The following KLHL36 variants were observed in gnomAD, a reference collection of about 807,000 sequenced individuals.
The protein encoded by KLHL36 is kelch-like protein 36.
KLHL36 carries 35 observed loss-of-function variants against 53.3 expected under a neutral mutation model. The ratio of observed to expected loss-of-function variants is 0.66; its 90% confidence interval spans 0.50 to 0.87. The LOEUF (loss-of-function observed/expected upper bound fraction) is 0.87. KLHL36 is among the 40% of genes least tolerant of loss of function. The pLI, the probability that KLHL36 is intolerant of heterozygous loss-of-function variation, is 0.00. For missense variants in KLHL36, 864 were observed against 897.6 expected, an observed-to-expected ratio of 0.96 and a Z score of 0.48; for synonymous variants, 472 against 398.9, an observed-to-expected ratio of 1.18 and a Z score of -2.18.
In KLHL36 at chr16:84,657,666, C is replaced by T. The variant is rs777448332; in HGVS notation, c.859C>T (p.Arg287Cys). 9 of 1,612,210 alleles carry T rather than the reference C, an allele frequency of 5.6e-6. No homozygotes were observed. Among genetic ancestry groups the T allele is most frequent in the Admixed American group, 3.3e-5 (2 of 59,970 alleles). Residue 287 changes from arginine (R) to cysteine (C), a missense_variant, in exon 3 of 5, where the codon CGC becomes TGC. By Grantham distance (180) the Arg-to-Cys change is radical. Coordinates refer to ENST00000564996, the MANE Select transcript of KLHL36 (RefSeq NM_024731.4). The part of the protein sequence containing the change: ...LAAQPVMQTK[R>C]TALRTNQERL... ...GGCCCAGCCCGTCATGCAGACCAAG[C>T]GCACGGCGCTGCGCACCAACCAGGA...
In KLHL36 at chr16:84,661,638, C is replaced by T. The variant is rs767981378; in HGVS notation, c.1356C>T (p.His452=). 98 of 1,612,454 alleles carry T rather than the reference C, an allele frequency of 6.1e-5. No homozygotes were observed. The highest frequency in any genetic ancestry group is 7.6e-5 in the Non-Finnish European group (90 of 1,179,434). The change falls in exon 5 of 5, where the codon CAC becomes CAT. Residue 452 remains histidine (H), a synonymous_variant. Coordinates refer to ENST00000564996, the MANE Select transcript of KLHL36 (RefSeq NM_024731.4). This position sits in a 1 kb window ranked among gnomAD's most constrained non-coding sequence, Gnocchi z 7.9. ...ACTTCGTGTACATCTCGGGGGGCCA[C>T]GACTACCAAATTGGCCCCTACCGCA... ...YKDFVYISGG[H]DYQIGPYRKN...
In KLHL36 at chr16:84,650,930, G is replaced by C; in HGVS notation, c.63G>C (p.Lys21Asn). The change falls in exon 2 of 5, where the codon AAG (lysine) becomes AAC (asparagine). Residue 21 changes from lysine (K) to asparagine (N), a missense_variant and splice_region_variant. Lys to Asn is a moderately conservative substitution (Grantham distance 94, BLOSUM62 0). Coordinates refer to ENST00000564996, the MANE Select transcript of KLHL36 (RefSeq NM_024731.4). ...SRPYKISESS[K>N]VYRWADHSST... ...CATACAAGATCAGCGAATCATCAAA[G>C]GTCTGTGAATGTTCACTCACCACCT... is the stretch of plus-strand genomic sequence containing the variant. 6.2e-7 allele frequency: 1 copy of C among 1,608,900 alleles called. No individual in the cohort carries two copies. The highest frequency in any genetic ancestry group is 8.5e-7 in the Non-Finnish European group (1 of 1,178,300).
At position 84,657,449 on chromosome 16, in the gene KLHL36, C is replaced by G; in HGVS notation, c.642C>G (p.Ala214=). The G allele has an allele frequency of 6.2e-7, 1 of 1,606,508 alleles. No individual in the cohort carries two copies. Among genetic ancestry groups the G allele is most frequent in the Non-Finnish European group, 8.5e-7 (1 of 1,179,956 alleles). ...GTGAGCACGACCTCCTGCAGGCCGCCCTGCAGTGGCTGACGCAGCAGCCCG... is the reference window on the plus strand; with the variant it reads ...GTGAGCACGACCTCCTGCAGGCCGCGCTGCAGTGGCTGACGCAGCAGCCCG... ...RECEHDLLQA[A]LQWLTQQPER... is the part of the protein sequence containing the mutation. Residue 214 remains alanine, a synonymous_variant, in exon 3 of 5, where the codon GCC becomes GCG. Transcript: ENST00000564996.
At chr16:84,658,040 A>C in intron 3 of KLHL36, 96 bp downstream of exon 3, 2 of 890,426 alleles carry the variant, frequency 2.2e-6, no homozygotes, top group East Asian at 2.8e-5. Flanking sequence ...GGCCTTGACA[A>C]CTATCCTGCT....
intron 2 of KLHL36, among the ~76,000 whole-genome samples, chr16:84,651,597 A>G (rs1254089084): frequency 6.6e-6 from 1 of 152,184 alleles, no homozygotes; most frequent in Non-Finnish European, 1.5e-5. Flanking sequence ...TTTCCCCGTT[A>G]TAAATATTCG....
Position 84,657,900 on chromosome 16 carries a change from A to T in KLHL36, c.1093A>T (p.Asn365Tyr). ...SRDNGGDAAS[N>Y]LLYRYDPRCK... ...GGACAACGGAGGGGATGCGGCCTCC[A>T]ATCTTCTTTATAGGTATGACCCCCG... Residue 365 changes from asparagine (N) to tyrosine (Y), a missense_variant, in exon 3 of 5, where the codon AAT (asparagine) becomes TAT (tyrosine). Asn to Tyr is a moderately radical substitution (Grantham distance 143, BLOSUM62 -2). Transcript: ENST00000564996. 1 of 1,551,718 alleles carries T rather than the reference A, an allele frequency of 6.4e-7. No homozygotes were observed. The highest frequency in any genetic ancestry group is 8.7e-7 in the Non-Finnish European group (1 of 1,148,236).
chr16:84,662,557 C>T lies in KLHL36; in HGVS notation c.*424C>T, dbSNP rs756720849. On this transcript the variant is annotated 3_prime_UTR_variant, in exon 5 of 5. Coordinates refer to ENST00000564996, the MANE Select transcript of KLHL36 (RefSeq NM_024731.4). ...TTTAAGAATACAGATGCGTGAGCCC[C>T]GCTCAGAATTATGGAATCCAAAACC... is the stretch of plus-strand genomic sequence containing the variant. 3 of 157,232 alleles carry T rather than the reference C, an allele frequency of 1.9e-5. No individual in the cohort carries two copies. The highest frequency in any genetic ancestry group is 2.8e-5 in the Non-Finnish European group (2 of 71,438). 9.7% of individuals were successfully genotyped at this position (157,232 alleles called of 1,614,324 possible).
In KLHL36 at chr16:84,661,802, C is replaced by G. The variant is rs1214340415; in HGVS notation, c.1520C>G (p.Ser507Cys). ...SIGGSDDNIE[S>C]MERFDVLGVE... Reference sequence around the variant, plus strand: ...GGGGGCAGCGATGACAACATCGAGTCCATGGAGCGCTTCGACGTGCTGGGC... The same window carrying G: ...GGGGGCAGCGATGACAACATCGAGTGCATGGAGCGCTTCGACGTGCTGGGC... Residue 507 changes from serine (S) to cysteine (C), a missense_variant, in exon 5 of 5, where the codon TCC becomes TGC. Physicochemically the swap from Ser to Cys is moderately radical, Grantham distance 112. Coordinates refer to ENST00000564996, the MANE Select transcript of KLHL36 (RefSeq NM_024731.4). This position sits in a 1 kb window ranked among gnomAD's most constrained non-coding sequence, Gnocchi z 7.9. The G allele has an allele frequency of 1.2e-6, 2 of 1,610,832 alleles. No individual in the cohort carries two copies. The highest frequency in any genetic ancestry group is 1.7e-6 in the Non-Finnish European group (2 of 1,177,772).
Position 84,657,609 on chromosome 16 carries a change from G to C in KLHL36, c.802G>C (p.Glu268Gln). ...GGAGGCCAACTGCGAGGGCTTCATC[G>C]AGGAGGCCGTGCGCTACCACAACAA... ...PKEANCEGFI[E>Q]EAVRYHNNLA... The change falls in exon 3 of 5, where the codon GAG becomes CAG. Residue 268 changes from glutamate to glutamine, a missense_variant. Physicochemically the swap from Glu to Gln is conservative, Grantham distance 29 (BLOSUM62 2). Transcript: ENST00000564996. 6.2e-7 allele frequency: 1 copy of C among 1,611,354 alleles called. No individual in the cohort carries two copies. Among genetic ancestry groups the C allele is most frequent in the South Asian group, 1.1e-5 (1 of 91,056 alleles).
intron 2 of KLHL36, among the ~76,000 whole-genome samples, chr16:84,651,391 A>G (rs1906869392): frequency 6.6e-6 from 1 of 152,158 alleles, no homozygotes; most frequent in South Asian, 2.1e-4. Context: ...CCTGCGACCT[A>G]AGAGCAAGTG....
Position 84,659,788 on chromosome 16 carries a change from A to G in KLHL36, c.1166A>G (p.Asp389Gly). 1.2e-6 allele frequency: 2 copies of G among 1,614,100 alleles called. No individual in the cohort carries two copies. Among genetic ancestry groups the G allele is most frequent in the Non-Finnish European group, 1.7e-6 (2 of 1,180,012 alleles). The part of the protein sequence containing the change: ...KVASMNQRRV[D>G]FYLASIEDML... ...GCCTCCATGAACCAGCGCCGTGTGG[A>G]TTTCTACCTTGCCTCCATCGAAGAC... is the stretch of plus-strand genomic sequence containing the variant. The change falls in exon 4 of 5, where the codon GAT (aspartate) becomes GGT (glycine). Residue 389 changes from aspartate to glycine, a missense_variant. Coordinates refer to ENST00000564996, the MANE Select transcript of KLHL36 (RefSeq NM_024731.4).
At chr16:84,656,499 T>C (rs1249879949) in intron 2 of KLHL36, among the ~76,000 whole-genome samples, 3 of 150,856 alleles carry the variant, frequency 2.0e-5, no homozygotes, top group Non-Finnish European at 4.4e-5. Context: ...CAAACTCCAG[T>C]AGCCGGGCTG....
In KLHL36 at chr16:84,663,788, G is replaced by A. The variant is rs960634019; in HGVS notation, c.*1655G>A. Reference sequence around the variant, plus strand: ...GCCCCTCCTTTCCCTTCCCTTCAGGGTTTACTGTGGTTCTCACTGGTCTGT... The same window carrying A: ...GCCCCTCCTTTCCCTTCCCTTCAGGATTTACTGTGGTTCTCACTGGTCTGT... On this transcript the variant is annotated 3_prime_UTR_variant, in exon 5 of 5. Transcript: ENST00000564996. The A allele has an allele frequency of 1.3e-5, 2 of 152,148 alleles. No individual in the cohort carries two copies. Among genetic ancestry groups the A allele is most frequent in the Non-Finnish European group, 2.9e-5 (2 of 68,032 alleles). The allele number at this position is 152,148 out of a possible 1,614,324, so 9.4% of individuals were successfully genotyped here.
Position 84,659,804 on chromosome 16 carries a change from C to T in KLHL36, c.1182C>T (p.Ser394=). The T allele has an allele frequency of 6.2e-7, 1 of 1,614,180 alleles. No homozygotes were observed. Among genetic ancestry groups the T allele is most frequent in the Non-Finnish European group, 8.5e-7 (1 of 1,180,036 alleles). ...NQRRVDFYLA[S]IEDMLVAIGG... ...GCCGTGTGGATTTCTACCTTGCCTC[C>T]ATCGAAGACATGCTGGTGGCCATCG... Residue 394 remains serine (S), a synonymous_variant, in exon 4 of 5, where the codon TCC becomes TCT. Transcript: ENST00000564996.
intron 1 of KLHL36, among the ~76,000 whole-genome samples, 177 bp from the exon 2 acceptor site, chr16:84,650,675 A>C (rs1906813284): frequency 6.6e-6 from 1 of 152,056 alleles, no homozygotes; most frequent in Non-Finnish European, 1.5e-5. Context: ...CAATTCTAAC[A>C]ACCCGATGAT....
intron 2 of KLHL36, among the ~76,000 whole-genome samples, chr16:84,655,507 G>A (rs771844180): frequency 4.6e-5 from 7 of 151,874 alleles, no homozygotes; most frequent in Admixed American, 6.6e-5. Context: ...AGCCCAGGAG[G>A]TCAAGGGCGA....
chr16:84,656,776 G>C, intron 2 of KLHL36, 95 bp from the exon 3 acceptor site: 1 of 833,014 alleles, frequency 1.2e-6, no homozygotes, highest in Non-Finnish European at 1.9e-6. Flanking sequence ...GTTTTCTTCA[G>C]TTTCATTTTG....
intron 1 of KLHL36, among the ~76,000 whole-genome samples, chr16:84,649,697 GC>G (rs1052054304): frequency 6.6e-6 from 1 of 152,242 alleles, no homozygotes; most frequent in African/African-American, 2.4e-5. Flanking sequence ...GACGGACTGT[GC>G]CCGAATTCAT....
Position 84,658,078 on chromosome 16 carries a change from C to G in KLHL36, c.1137+134C>G, listed in dbSNP as rs184173153. 5.3e-5 allele frequency: 38 copies of G among 710,468 alleles called. No homozygotes were observed. In the African/African-American group the frequency reaches 6.1e-4, roughly 11 times the overall value. 44.0% of individuals were successfully genotyped at this position (710,468 alleles called of 1,614,324 possible). The stretch of plus-strand genomic sequence containing the variant: ...TGAATGAGGTGTGATGATAAAGTGA[C>G]GAGCAGAATACCCCGGGGCCTACAT... On this transcript the variant is annotated intron_variant, in intron 3 of 4. Transcript: ENST00000564996.
Sources: allele counts gnomAD v4.1 joint callset (sites outside exome capture counted in the v4.1 genomes callset), GRCh38; gene constraint gnomAD v4.1.1; non-coding constraint Gnocchi (gnomAD v3.1); transcripts MANE v1.5; gene names NCBI Gene and HGNC (gene_info 2026-07-23, HGNC 2026-07-21).